Variants in RNLS observed in about 807,000 individuals in gnomAD.
RNLS encodes the protein renalase, FAD dependent amine oxidase.
In RNLS, 39 loss-of-function variants were observed where a neutral mutation model predicts 39.8. The ratio of observed to expected loss-of-function variants is 0.98; its 90% CI spans 0.76 to 1.28. The LOEUF is 1.28. Among genes scored for constraint, RNLS ranks in the 50% most tolerant of loss-of-function variants. The pLI is 0.00. For missense variants in RNLS, 410 were observed against 413.3 expected, an observed-to-expected ratio of 0.99 and a Z score of 0.07; for synonymous variants, 147 against 150.7, an observed-to-expected ratio of 0.98 and a Z score of 0.18.
intron 4 of RNLS, among the ~76,000 whole-genome samples, chr10:88,412,097 T>G (rs1853691726): frequency 6.6e-6 from 1 of 151,980 alleles, no homozygotes; most frequent in African/African-American, 2.4e-5. Flanking sequence ...AGATTTGCAT[T>G]TTGGAAAGCC....
In RNLS at chr10:88,556,090, T is replaced by C. The variant is rs143800595; in HGVS notation, c.526+16813A>G. On this transcript the variant is annotated intron_variant, in intron 4 of 6. Coordinates refer to ENST00000331772, the MANE Select transcript of RNLS (RefSeq NM_001031709.3). ...CCAAATTTCTCTTCTTGATTCCCAG[T>C]TCACTACCTGCCTCACAAACCTACT... Among the ~76,000 whole-genome samples the C allele has an allele frequency of 7.6e-3, 1,150 of 152,256 alleles. 21 individuals carry two copies. The highest frequency in any genetic ancestry group is 0.026 in the African/African-American group (1,090 of 41,544).
intron 4 of RNLS, among the ~76,000 whole-genome samples, chr10:88,466,667 A>C (rs1843225673): frequency 6.6e-6 from 1 of 152,112 alleles, no homozygotes; most frequent in Non-Finnish European, 1.5e-5. Flanking sequence ...ATAGCACAGA[A>C]CATTTTTCTC....
chr10:88,281,477 C>T (rs1843006169), downstream of RNLS, among the ~76,000 whole-genome samples: 1 of 152,174 alleles, frequency 6.6e-6, no homozygotes, highest in Non-Finnish European at 1.5e-5. Context: ...GGGGTCTTGT[C>T]TTCTCCTAAG....
At chr10:88,305,966 A>G (rs750706908) in intron 6 of RNLS, among the ~76,000 whole-genome samples, 5 of 152,246 alleles carry the variant, frequency 3.3e-5, no homozygotes, top group Non-Finnish European at 7.3e-5. Context: ...AACTGAAATC[A>G]TAACAAACAA....
intron 4 of RNLS, among the ~76,000 whole-genome samples, chr10:88,489,292 C>G (rs934511473): frequency 6.6e-6 from 1 of 152,108 alleles, no homozygotes; most frequent in Non-Finnish European, 1.5e-5. Flanking sequence ...AGTAAGTGTC[C>G]TCTCACTCCC....
chr10:88,272,709 C>T (rs991512438), downstream of RNLS, among the ~76,000 whole-genome samples: 3 of 152,136 alleles, frequency 2.0e-5, no homozygotes, highest in Non-Finnish European at 4.4e-5. Context: ...CATCCTTCAA[C>T]CCCAGCCGTG....
At chr10:88,373,134 C>A (rs1447066625) in intron 4 of RNLS, among the ~76,000 whole-genome samples, 2 of 152,124 alleles carry the variant, frequency 1.3e-5, no homozygotes, top group Non-Finnish European at 2.9e-5. Flanking sequence ...AACTTTATTA[C>A]ATGTCACCTC....
At chr10:88,238,363 T>C in the RNLS span, among the ~76,000 whole-genome samples, 1 of 152,286 alleles carries the variant, frequency 6.6e-6, no homozygotes, top group Middle Eastern at 3.4e-3. Context: ...CCCCATAGCA[T>C]AGATGAAACA....
rs138917692 is a variant in RNLS at position 88,316,922 on chromosome 10, T to C, written c.701-2281A>G. 1.9e-3 allele frequency among the ~76,000 whole-genome samples: 296 copies of C among 152,242 alleles called. 1 individual carries two copies. Among genetic ancestry groups the C allele is most frequent in the Middle Eastern group, 0.014 (4 of 294 alleles). On this transcript the variant is annotated intron_variant, in intron 5 of 6. Coordinates refer to ENST00000331772, the MANE Select transcript of RNLS (RefSeq NM_001031709.3). ...GAGTGTGTTTTCAGAAGCTAAAGTC[T>C]AAAAATACAAAGAGTCAAGCAGAAT...
chr10:88,388,728 TTTTA>T (rs1002651500), intron 4 of RNLS, among the ~76,000 whole-genome samples: 2 of 152,162 alleles, frequency 1.3e-5, no homozygotes, highest in African/African-American at 4.8e-5. Context: ...TTACTTATGT[TTTTA>T]TTTGATTCCT....
chr10:88,254,778 C>T, the RNLS span, among the ~76,000 whole-genome samples: 5 of 152,300 alleles, frequency 3.3e-5, no homozygotes, highest in South Asian at 1.0e-3. Flanking sequence ...GATAGTACCT[C>T]TTAATGAATT....
At chr10:88,324,188 C>T (rs1172886574) in intron 5 of RNLS, among the ~76,000 whole-genome samples, 1 of 151,986 alleles carries the variant, frequency 6.6e-6, no homozygotes, top group African/African-American at 2.4e-5. Flanking sequence ...TCACAAGGAA[C>T]TAAAAATAGA....
intron 4 of RNLS, among the ~76,000 whole-genome samples, chr10:88,510,140 T>G (rs1846031991): frequency 6.6e-6 from 1 of 152,150 alleles, no homozygotes; most frequent in Admixed American, 6.5e-5. Context: ...CAAATTTATG[T>G]TAGGCTTTTA....
At chr10:88,507,593 G>A (rs1469184174) in intron 4 of RNLS, among the ~76,000 whole-genome samples, 2 of 152,068 alleles carry the variant, frequency 1.3e-5, no homozygotes, top group Non-Finnish European at 2.9e-5. Flanking sequence ...TCCCATGTGA[G>A]CTGCTAACAT....
At chr10:88,209,782 A>T in the RNLS span, among the ~76,000 whole-genome samples, 7 of 152,360 alleles carry the variant, frequency 4.6e-5, no homozygotes, top group East Asian at 1.2e-3. Context: ...GTCACCACTA[A>T]TAATGGCTAA....
At chr10:88,200,903 C>T in the RNLS span, among the ~76,000 whole-genome samples, 2 of 152,092 alleles carry the variant, frequency 1.3e-5, no homozygotes, top group Non-Finnish European at 1.5e-5. Context: ...CTACTGGCTA[C>T]TCTTAGGCTT....
the RNLS span, among the ~76,000 whole-genome samples, chr10:88,189,710 G>A: frequency 6.6e-6 from 1 of 152,208 alleles, no homozygotes; most frequent in Non-Finnish European, 1.5e-5. Context: ...GTGGCTGACT[G>A]AAACAGAAGT....
At chr10:88,410,782 C>A (rs955389712) in intron 4 of RNLS, among the ~76,000 whole-genome samples, 1 of 152,104 alleles carries the variant, frequency 6.6e-6, no homozygotes, top group African/African-American at 2.4e-5. Context: ...AACACCCCCG[C>A]TTACACTGTT....
chr10:88,269,298 A>T (rs1842584772), downstream of RNLS, among the ~76,000 whole-genome samples: 1 of 152,166 alleles, frequency 6.6e-6, no homozygotes, highest in African/African-American at 2.4e-5. Flanking sequence ...TGAATCAAGG[A>T]GTATTTACAA....
Sources: gnomAD v4.1 joint callset for allele counts (sites outside exome capture counted in the v4.1 genomes callset) on GRCh38, gnomAD v4.1.1 for gene constraint, MANE v1.5 for transcripts, NCBI Gene and HGNC (gene_info 2026-07-23, HGNC 2026-07-21) for gene names.